The following DHX35 variants were observed in gnomAD, a reference collection of about 807,000 sequenced individuals.
The protein encoded by DHX35 is probable ATP-dependent RNA helicase DHX35.
A neutral mutation model predicts 99.6 loss-of-function variants in DHX35; 84 were observed. That is an observed-to-expected ratio of 0.84 (90% CI 0.71 to 1.01). The LOEUF (loss-of-function observed/expected upper bound fraction) is 1.01, where lower values mean the gene tolerates loss of function less well. Ranked by LOEUF, DHX35 falls within the 50% of genes least tolerant of loss-of-function variation. The probability of loss-of-function intolerance (pLI) is 0.00; values close to 1 mark genes in which losing one functional copy is unlikely to be tolerated. For synonymous variants in DHX35, 331 were observed against 316.2 expected (o/e 1.05, Z -0.50); for missense variants, 852 against 888.5 (o/e 0.96, Z 0.52).
chr20:38,984,462 T>C (rs957600175), intron 4 of DHX35, among the ~76,000 whole-genome samples: 12 of 152,214 alleles, frequency 7.9e-5, no homozygotes, highest in African/African-American at 9.6e-5. Context: ...TATTTAATAT[T>C]TATTTTTTAT....
chr20:38,966,046 T>C (rs1235093549), intron 1 of DHX35, among the ~76,000 whole-genome samples: 1 of 152,248 alleles, frequency 6.6e-6, no homozygotes, highest in Non-Finnish European at 1.5e-5. Context: ...TTCTATTTCA[T>C]TATTTAAAAA....
intron 8 of DHX35, among the ~76,000 whole-genome samples, chr20:39,000,904 G>T (rs1019814391): frequency 6.6e-6 from 1 of 152,136 alleles, no homozygotes; most frequent in African/African-American, 2.4e-5. Flanking sequence ...TCACTTGCCT[G>T]CCTGCATGGT....
intron 21 of DHX35, among the ~76,000 whole-genome samples, chr20:39,037,367 C>T (rs749578100): frequency 1.3e-5 from 2 of 152,140 alleles, no homozygotes; most frequent in East Asian, 1.9e-4. Flanking sequence ...ACCCTTTTAA[C>T]GAGGCCTTTG....
intron 3 of DHX35, among the ~76,000 whole-genome samples, chr20:38,976,801 T>C (rs2086086742): frequency 6.6e-6 from 1 of 152,196 alleles, no homozygotes; most frequent in Non-Finnish European, 1.5e-5. Flanking sequence ...TTCTATTCTC[T>C]ACTTTTGTAA....
intron 8 of DHX35, among the ~76,000 whole-genome samples, chr20:38,998,885 C>T (rs968751520): frequency 6.6e-6 from 1 of 152,150 alleles, no homozygotes; most frequent in Non-Finnish European, 1.5e-5. Context: ...CAGCCTCCGC[C>T]TCGCAGGTTC....
At chr20:38,995,100 G>A (rs2086407677) in intron 8 of DHX35, among the ~76,000 whole-genome samples, 1 of 152,134 alleles carries the variant, frequency 6.6e-6, no homozygotes. Context: ...TACCTGTCTT[G>A]TTTATCTACA....
At chr20:39,030,017 T>TTGCC (rs1326223139) in intron 19 of DHX35, 1 of 152,058 alleles carries the variant, frequency 6.6e-6, no homozygotes, top group Non-Finnish European at 1.5e-5. Context: ...TTCGCTCTTG[T>TTGCC]TGCCCATGCT....
intron 20 of DHX35, 136 bp downstream of exon 20, chr20:39,030,911 C>T: frequency 1.1e-6 from 1 of 937,484 alleles, no homozygotes; most frequent in Non-Finnish European, 1.6e-6. Context: ...GCCTGTAATC[C>T]CAGCACTTTG....
chr20:38,970,539 C>T (rs2085979205), intron 2 of DHX35, among the ~76,000 whole-genome samples: 1 of 152,210 alleles, frequency 6.6e-6, no homozygotes, highest in Non-Finnish European at 1.5e-5. Context: ...TGTCCGGACT[C>T]TGGAGCTAGA....
chr20:39,006,636 AGGGTGT>A (rs1011364861), intron 12 of DHX35, among the ~76,000 whole-genome samples: 1 of 152,120 alleles, frequency 6.6e-6, no homozygotes, highest in Non-Finnish European at 1.5e-5. Context: ...ATTTGTCCCT[AGGGTGT>A]GGGCTGTGTG....
intron 4 of DHX35, among the ~76,000 whole-genome samples, chr20:38,985,848 G>C (rs185775508): frequency 6.6e-6 from 1 of 152,316 alleles, no homozygotes; most frequent in African/African-American, 2.4e-5. Context: ...TGTCAAGTTT[G>C]AAATGCTACA....
At chr20:39,005,564 A>G (rs1274088189) in intron 11 of DHX35, among the ~76,000 whole-genome samples, 1 of 152,044 alleles carries the variant, frequency 6.6e-6, no homozygotes, top group Non-Finnish European at 1.5e-5. Flanking sequence ...TTGTGTTAAT[A>G]TTTTCTTTAT....
At chr20:39,035,406 G>C (rs1476651634) in intron 21 of DHX35, among the ~76,000 whole-genome samples, 3 of 152,188 alleles carry the variant, frequency 2.0e-5, no homozygotes, top group Non-Finnish European at 4.4e-5. Context: ...TGTGCTGTTT[G>C]TGGCCTGAAA....
intron 3 of DHX35, among the ~76,000 whole-genome samples, chr20:38,974,326 G>A (rs927432617): frequency 1.3e-5 from 2 of 152,132 alleles, no homozygotes; most frequent in Non-Finnish European, 2.9e-5. Context: ...AGGATGGGAA[G>A]GAGAACAATT....
chr20:39,021,715 A>G (rs2086874852), intron 15 of DHX35, 126 bp from the exon 16 acceptor site: 1 of 958,402 alleles, frequency 1.0e-6, no homozygotes, highest in Admixed American at 1.9e-5. Flanking sequence ...TACACTTTAA[A>G]AATTAAGCTC....
chr20:38,985,020 TG>T (rs1181752531), intron 4 of DHX35, among the ~76,000 whole-genome samples: 1 of 152,188 alleles, frequency 6.6e-6, no homozygotes, highest in Non-Finnish European at 1.5e-5. Flanking sequence ...TGAGGATCAC[TG>T]TGTAGAAGTC....
Position 38,994,880 on chromosome 20 carries a change from C to A in DHX35, c.642C>A (p.Asp214Glu). 6.2e-7 allele frequency: 1 copy of A among 1,613,538 alleles called. No individual in the cohort carries two copies. The highest frequency in any genetic ancestry group is 8.5e-7 in the Non-Finnish European group (1 of 1,179,532). ...TAGCTTCAGCCACTCTGGATGCAGA[C>A]GTAAGAGCCTTGCCTCCCCTTTCCT... is the stretch of plus-strand genomic sequence containing the variant. Reference protein sequence around the residue: ...LIVASATLDADKFRDFFNQNE... With the variant: ...LIVASATLDAEKFRDFFNQNE... The change falls in exon 8 of 22, where the codon GAC becomes GAA. Residue 214 changes from aspartate to glutamate, a missense_variant and splice_region_variant. Physicochemically the swap from Asp to Glu is conservative, Grantham distance 45. Coordinates refer to ENST00000252011, the MANE Select transcript of DHX35 (RefSeq NM_021931.4).
At chr20:39,034,946 G>T (rs1193785634) in intron 21 of DHX35, among the ~76,000 whole-genome samples, 1 of 151,934 alleles carries the variant, frequency 6.6e-6, no homozygotes, top group Non-Finnish European at 1.5e-5. Context: ...TTTTTTTAGG[G>T]ATGGGGTTTC....
At chr20:38,992,541 T>C in intron 7 of DHX35, 116 bp downstream of exon 7, 1 of 934,342 alleles carries the variant, frequency 1.1e-6, no homozygotes, top group Non-Finnish European at 1.7e-6. Context: ...ATTAAAATCA[T>C]CCATAATCCT....
Sources: allele counts gnomAD v4.1 joint callset (sites outside exome capture counted in the v4.1 genomes callset), GRCh38; gene constraint gnomAD v4.1.1; transcripts MANE v1.5; gene names NCBI Gene and HGNC (gene_info 2026-07-23, HGNC 2026-07-21).